RNF17: variants seen among roughly 807,000 people sequenced by gnomAD.
The protein encoded by RNF17 is spermatogenesis associated 23.
Under a neutral mutation model 200.5 loss-of-function variants are expected in RNF17, and 31 were observed. That is an observed-to-expected ratio of 0.15 (90% CI 0.12 to 0.21). The LOEUF is 0.21. Ranked by LOEUF, RNF17 falls within the 10% of genes least tolerant of loss-of-function variation. RNF17 has a pLI of 1.00. For missense variants in RNF17, 1,628 were observed against 1,905.1 expected (o/e 0.85, Z 2.71); for synonymous variants, 606 against 637.8 (o/e 0.95, Z 0.75).
rs774014587 is a variant in RNF17 at position 24,874,269 on chromosome 13, G to T, written c.4583+20G>T. ...AAACAGGTTAAAAATAAATGTCGGG[G>T]TGTTGAATTAGATTTCTTTTTTTTT... is the stretch of plus-strand genomic sequence containing the variant. On this transcript the variant is annotated intron_variant, in intron 33 of 35. Coordinates refer to ENST00000255324, the MANE Select transcript of RNF17 (RefSeq NM_031277.3). The T allele has an allele frequency of 3.9e-6, 6 of 1,542,366 alleles. No homozygotes were observed. In the Admixed American group the frequency reaches 9.2e-5, roughly 24 times the overall value.
downstream of RNF17, chr13:24,882,231 TAG>T (rs1953883278): frequency 3.7e-5 from 2 of 53,788 alleles, 1 homozygote; most frequent in Non-Finnish European, 1.2e-4. Context: ...TACATCTATA[TAG>T]ATAGATATAT....
the RNF17 span, among the ~76,000 whole-genome samples, chr13:24,753,522 T>C: frequency 6.6e-6 from 1 of 152,176 alleles, no homozygotes; most frequent in Non-Finnish European, 1.5e-5. Context: ...CCATGAACTG[T>C]GCTTACCTGG....
chr13:24,877,410 T>G (rs1274704500), intron 34 of RNF17, among the ~76,000 whole-genome samples: 1 of 152,200 alleles, frequency 6.6e-6, no homozygotes, highest in Non-Finnish European at 1.5e-5. Flanking sequence ...ACCCCTGTGG[T>G]GATATAAAAT....
intron 16 of RNF17, among the ~76,000 whole-genome samples, chr13:24,827,939 A>G (rs1281836157): frequency 6.6e-6 from 1 of 151,928 alleles, no homozygotes; most frequent in Non-Finnish European, 1.5e-5. Flanking sequence ...ACCTAATCAC[A>G]TTTATGAGGG....
the RNF17 span, chr13:24,885,341 G>C: frequency 6.2e-7 from 1 of 1,613,652 alleles, no homozygotes; most frequent in Non-Finnish European, 8.5e-7. Flanking sequence ...TTATATTCAG[G>C]ATCTGGGAAG....
At position 24,793,340 on chromosome 13, in the gene RNF17, G is replaced by T. The variant is rs377180703; in HGVS notation, c.1234G>T (p.Val412Leu). The change falls in exon 10 of 36, where the codon GTG becomes TTG. Residue 412 changes from valine to leucine, a missense_variant. Coordinates refer to ENST00000255324, the MANE Select transcript of RNF17 (RefSeq NM_031277.3). ...VIIEEIIEDN[V>L]ESSAELVFVS... is the part of the protein sequence containing the mutation. ...AATTGAAGAAATTATTGAAGACAAC[G>T]TGGAAAGTAAGTTAAAATGTAAAAG... 3 of 1,582,186 alleles carry T rather than the reference G, an allele frequency of 1.9e-6. No individual in the cohort carries two copies. Among genetic ancestry groups the T allele is most frequent in the East Asian group, 2.2e-5 (1 of 44,616 alleles).
intron 15 of RNF17, among the ~76,000 whole-genome samples, chr13:24,816,368 C>T (rs1277080164): frequency 1.3e-5 from 2 of 152,122 alleles, no homozygotes; most frequent in African/African-American, 4.8e-5. Flanking sequence ...CATCTTTGGC[C>T]TAGTTAAAAC....
Position 24,843,855 on chromosome 13 carries a change from A to C in RNF17, c.2715A>C (p.Leu905=). 1 of 1,603,884 alleles carries C rather than the reference A, an allele frequency of 6.2e-7. No individual in the cohort carries two copies. Among genetic ancestry groups the C allele is most frequent in the East Asian group, 2.2e-5 (1 of 44,688 alleles). Residue 905 remains leucine, a synonymous_variant, in exon 20 of 36, where the codon CTA becomes CTC. Transcript: ENST00000255324. The part of the protein sequence containing the change: ...HNLNPVSAKS[L]PNENFQSLYN... Reference sequence around the variant, plus strand: ...TAAATCCTGTGTCTGCAAAATCTCTACCTAATGAGAATTTTCAGTCACTTT... The same window carrying C: ...TAAATCCTGTGTCTGCAAAATCTCTCCCTAATGAGAATTTTCAGTCACTTT...
At chr13:24,773,728 C>T (rs1250796167) in intron 2 of RNF17, among the ~76,000 whole-genome samples, 1 of 152,196 alleles carries the variant, frequency 6.6e-6, no homozygotes, top group African/African-American at 2.4e-5. Flanking sequence ...AGTTTCACAT[C>T]CTGGCTTATC....
chr13:24,800,473 T>C lies in RNF17; in HGVS notation c.1697T>C (p.Leu566Pro). The change falls in exon 13 of 36, where the codon CTA becomes CCA. Residue 566 changes from leucine (L) to proline (P), a missense_variant. Physicochemically the swap from Leu to Pro is moderately conservative, Grantham distance 98. Coordinates refer to ENST00000255324, the MANE Select transcript of RNF17 (RefSeq NM_031277.3). ...TCTGAACCATATACTGAAGGGCTGC[T>C]AAAAGACATCCAGCCATTAGCACAA... ...RKSEPYTEGL[L>P]KDIQPLAQPC... is the part of the protein sequence containing the mutation. The C allele has an allele frequency of 6.2e-7, 1 of 1,613,610 alleles. No individual in the cohort carries two copies. Among genetic ancestry groups the C allele is most frequent in the Non-Finnish European group, 8.5e-7 (1 of 1,179,744 alleles).
At position 24,804,229 on chromosome 13, in the gene RNF17, C is replaced by T. The variant is rs1472813012; in HGVS notation, c.1950-59C>T. 4.6e-6 allele frequency: 7 copies of T among 1,538,374 alleles called. No individual in the cohort carries two copies. In the African/African-American group the frequency reaches 6.8e-5, roughly 15 times the overall value. ...AGTGAGCCATGATAGCACCACTGCA[C>T]TCCAGCCTGGGTGACAGGGTGAGAC... is the stretch of plus-strand genomic sequence containing the variant. On this transcript the variant is annotated intron_variant, in intron 14 of 35. Coordinates refer to ENST00000255324, the MANE Select transcript of RNF17 (RefSeq NM_031277.3).
At position 24,801,117 on chromosome 13, in the gene RNF17, T is replaced by TA. The variant is rs1243932832; in HGVS notation, c.1758+591dup. ...ACTTGAAATAACAAATAAGTTAATT[T>TA]AAAAAAAAGGAAACACAAAAATAGC... On this transcript the variant is annotated intron_variant, in intron 13 of 35. Transcript: ENST00000255324. Among the ~76,000 whole-genome samples, 4 of 152,098 alleles carry TA rather than the reference T, an allele frequency of 2.6e-5. No homozygotes were observed. In the East Asian group the frequency reaches 7.7e-4, roughly 29 times the overall value.
intron 20 of RNF17, 135 bp from the exon 21 acceptor site, chr13:24,844,517 A>C: frequency 1.4e-6 from 1 of 700,628 alleles, no homozygotes; most frequent in Non-Finnish European, 2.4e-6. Flanking sequence ...GAAGAAATAC[A>C]CTTGTACATT....
intron 22 of RNF17, among the ~76,000 whole-genome samples, chr13:24,849,473 C>T (rs1289004711): frequency 6.6e-6 from 1 of 152,144 alleles, no homozygotes; most frequent in African/African-American, 2.4e-5. Flanking sequence ...GTTTTTAGCT[C>T]ATCAGCTACA....
At chr13:24,840,945 T>C (rs967932997) in intron 18 of RNF17, among the ~76,000 whole-genome samples, 1 of 152,220 alleles carries the variant, frequency 6.6e-6, no homozygotes, top group African/African-American at 2.4e-5. Flanking sequence ...ACTTGGTTAA[T>C]ATAGAATGTT....
At chr13:24,799,040 TA>T (rs1309518164) in intron 11 of RNF17, among the ~76,000 whole-genome samples, 1 of 152,228 alleles carries the variant, frequency 6.6e-6, no homozygotes, top group East Asian at 1.9e-4. Flanking sequence ...GTCTTGCTTG[TA>T]AGTACAGTGT....
intron 29 of RNF17, among the ~76,000 whole-genome samples, chr13:24,865,668 T>C (rs1004174650): frequency 5.9e-5 from 9 of 152,324 alleles, no homozygotes; most frequent in African/African-American, 1.7e-4. Context: ...CATTGTTCTA[T>C]GGATAAAGAA....
chr13:24,858,001 C>G (rs1018811582), intron 25 of RNF17, among the ~76,000 whole-genome samples: 1 of 151,988 alleles, frequency 6.6e-6, no homozygotes, highest in Admixed American at 6.5e-5. Flanking sequence ...ATATTCAGGT[C>G]CCTCATGAGA....
intron 18 of RNF17, among the ~76,000 whole-genome samples, chr13:24,840,685 T>C (rs1165823868): frequency 3.3e-5 from 5 of 151,438 alleles, no homozygotes; most frequent in Non-Finnish European, 4.4e-5. Context: ...CTCACTGATA[T>C]GTGGGAGCTA....
Sources: allele counts gnomAD v4.1 joint callset (sites outside exome capture counted in the v4.1 genomes callset), GRCh38; gene constraint gnomAD v4.1.1; transcripts MANE v1.5; gene names NCBI Gene and HGNC (gene_info 2026-07-23, HGNC 2026-07-21).